Variants in HEMK2 observed in about 807,000 individuals in gnomAD.
The protein encoded by HEMK2 is HemK methyltransferase 2, ETF1 glutamine and histone H4 lysine.
At chr21:28,883,509 T>C in the HEMK2 span, among the ~76,000 whole-genome samples, 12 of 151,418 alleles carry the variant, frequency 7.9e-5, no homozygotes, top group African/African-American at 2.4e-4. Flanking sequence ...ATACCTAACA[T>C]TCATAGAGCC....
At chr21:28,707,684 A>G in the HEMK2 span, among the ~76,000 whole-genome samples, 1 of 151,480 alleles carries the variant, frequency 6.6e-6, no homozygotes, top group Non-Finnish European at 1.5e-5. Flanking sequence ...CTATCCTACT[A>G]TATATATATA....
At chr21:28,822,660 A>G in the HEMK2 span, among the ~76,000 whole-genome samples, 1 of 152,086 alleles carries the variant, frequency 6.6e-6, no homozygotes, top group Non-Finnish European at 1.5e-5. Context: ...GAAAAAGCTG[A>G]GGAACTCCAG....
chr21:28,742,921 A>G, the HEMK2 span, among the ~76,000 whole-genome samples: 1 of 152,174 alleles, frequency 6.6e-6, no homozygotes, highest in Non-Finnish European at 1.5e-5. Context: ...TTCTTCTCCT[A>G]TGAACCATTT....
At chr21:28,584,876 AC>A in the HEMK2 span, among the ~76,000 whole-genome samples, 1 of 152,332 alleles carries the variant, frequency 6.6e-6, no homozygotes, top group East Asian at 1.9e-4. Flanking sequence ...TAAGTCATCT[AC>A]CATGACACAA....
the HEMK2 span, among the ~76,000 whole-genome samples, chr21:28,884,610 G>C: frequency 6.6e-6 from 1 of 152,180 alleles, no homozygotes; most frequent in Non-Finnish European, 1.5e-5. Context: ...CTAGCTGCAT[G>C]TAACTTTTTT....
At chr21:28,754,751 C>T in the HEMK2 span, among the ~76,000 whole-genome samples, 4 of 152,022 alleles carry the variant, frequency 2.6e-5, no homozygotes, top group African/African-American at 9.7e-5. Flanking sequence ...TTATTGAGAG[C>T]CTATTATACA....
chr21:28,852,427 C>T, the HEMK2 span, among the ~76,000 whole-genome samples: 1 of 152,180 alleles, frequency 6.6e-6, no homozygotes, highest in Non-Finnish European at 1.5e-5. Flanking sequence ...CCATAAGCCC[C>T]TACTTTAACT....
At chr21:28,683,104 T>A in the HEMK2 span, among the ~76,000 whole-genome samples, 1 of 150,568 alleles carries the variant, frequency 6.6e-6, no homozygotes, top group East Asian at 1.9e-4. Flanking sequence ...CTTTAAAATA[T>A]TTCTATATTA....
the HEMK2 span, among the ~76,000 whole-genome samples, chr21:28,860,454 A>G: frequency 6.7e-6 from 1 of 148,858 alleles, no homozygotes; most frequent in East Asian, 1.9e-4. Flanking sequence ...TTATATATAC[A>G]AAATATATAT....
the HEMK2 span, among the ~76,000 whole-genome samples, chr21:28,838,757 T>C: frequency 9.3e-5 from 14 of 150,388 alleles, no homozygotes; most frequent in Admixed American, 2.0e-4. Context: ...CTGACCAACA[T>C]GGAGAAACCG....
At chr21:28,723,407 G>C in the HEMK2 span, among the ~76,000 whole-genome samples, 1 of 152,186 alleles carries the variant, frequency 6.6e-6, no homozygotes, top group African/African-American at 2.4e-5. Flanking sequence ...GGGAAGCCTG[G>C]ATTAGTAGCA....
the HEMK2 span, among the ~76,000 whole-genome samples, chr21:28,739,281 C>T: frequency 6.5e-3 from 993 of 152,054 alleles, 7 homozygotes; most frequent in Non-Finnish European, 0.011. Flanking sequence ...TTTCGTTTTT[C>T]CCACTGAGGC....
the HEMK2 span, among the ~76,000 whole-genome samples, chr21:28,753,111 C>A: frequency 6.6e-6 from 1 of 152,184 alleles, no homozygotes; most frequent in Admixed American, 6.5e-5. Flanking sequence ...AGAAGGTACA[C>A]TTTGGAAGGC....
At chr21:28,723,413 T>C in the HEMK2 span, among the ~76,000 whole-genome samples, 4 of 152,190 alleles carry the variant, frequency 2.6e-5, no homozygotes, top group Non-Finnish European at 5.9e-5. Flanking sequence ...CCTGGATTAG[T>C]AGCAGGTGTT....
chr21:28,588,703 G>A, the HEMK2 span, among the ~76,000 whole-genome samples: 1 of 152,204 alleles, frequency 6.6e-6, no homozygotes, highest in African/African-American at 2.4e-5. Context: ...GGGTGCGGTG[G>A]CTCATGCCTA....
chr21:28,614,933 C>A, the HEMK2 span, among the ~76,000 whole-genome samples: 2 of 152,114 alleles, frequency 1.3e-5, no homozygotes, highest in African/African-American at 2.4e-5. Flanking sequence ...CCTTTTCCCA[C>A]TCTATATAAA....
At chr21:28,885,217 C>T in the HEMK2 span, 2 of 1,577,390 alleles carry the variant, frequency 1.3e-6, no homozygotes, top group Non-Finnish European at 1.7e-6. Context: ...CGCACCCTGC[C>T]AGTTCGGCAG....
the HEMK2 span, among the ~76,000 whole-genome samples, chr21:28,739,213 T>G: frequency 2.0e-5 from 3 of 152,228 alleles, no homozygotes; most frequent in Admixed American, 2.0e-4. Flanking sequence ...CATTTTCTAT[T>G]GCTGAACCAC....
At chr21:28,651,472 A>G in the HEMK2 span, among the ~76,000 whole-genome samples, 1 of 152,234 alleles carries the variant, frequency 6.6e-6, no homozygotes, top group Non-Finnish European at 1.5e-5. Flanking sequence ...GAAATAAAAC[A>G]GAATAAAGTA....
Sources: allele counts gnomAD v4.1 joint callset (sites outside exome capture counted in the v4.1 genomes callset), GRCh38; gene constraint gnomAD v4.1.1; transcripts MANE v1.5; gene names NCBI Gene and HGNC (gene_info 2026-07-23, HGNC 2026-07-21).